Variants in PDZRN4 observed in about 807,000 individuals in gnomAD.
PDZRN4 encodes the protein PDZ domain containing ring finger 4.
PDZRN4 carries 70 observed loss-of-function variants against 99.0 expected under a neutral mutation model. The observed-to-expected ratio is 0.71, with a 90% CI of 0.58 to 0.86. The LOEUF (loss-of-function observed/expected upper bound fraction) is 0.86, where lower values mean the gene tolerates loss of function less well. PDZRN4 is among the 40% of genes least tolerant of loss of function. The pLI, the probability that PDZRN4 is intolerant of heterozygous loss-of-function variation, is 0.00. For missense variants in PDZRN4, 1,474 were observed against 1,331.2 expected (o/e 1.11, Z -1.67); for synonymous variants, 551 against 501.6 (o/e 1.10, Z -1.32).
chr12:41,283,388 A>G (rs1204081874), intron 3 of PDZRN4, among the ~76,000 whole-genome samples: 1 of 152,224 alleles, frequency 6.6e-6, no homozygotes, highest in Non-Finnish European at 1.5e-5. Flanking sequence ...CTAGCCAAAA[A>G]AGCCCAGGAC....
At chr12:41,541,568 C>T (rs990234473) in intron 5 of PDZRN4, among the ~76,000 whole-genome samples, 6 of 151,814 alleles carry the variant, frequency 4.0e-5, no homozygotes, top group Non-Finnish European at 7.4e-5. Flanking sequence ...ATTCTCCAGC[C>T]TCAGCCTCCC....
intron 3 of PDZRN4, among the ~76,000 whole-genome samples, chr12:41,247,421 A>G (rs914320724): frequency 1.3e-5 from 2 of 152,286 alleles, no homozygotes. Context: ...TGATATTTAC[A>G]CATGCTGGTA....
At chr12:41,267,930 C>A (rs189249666) in intron 3 of PDZRN4, among the ~76,000 whole-genome samples, 67 of 152,198 alleles carry the variant, frequency 4.4e-4, no homozygotes, top group Non-Finnish European at 8.1e-4. Context: ...AAAAAGAATC[C>A]TAACAAAGGC....
intron 3 of PDZRN4, 72 bp downstream of exon 3, chr12:41,194,260 C>T: frequency 1.3e-6 from 1 of 756,972 alleles, no homozygotes; most frequent in Non-Finnish European, 2.3e-6. Context: ...TCAAATTTAC[C>T]ACTTTACCTT....
chr12:41,411,172 A>G (rs2120376242), intron 3 of PDZRN4, among the ~76,000 whole-genome samples: 1 of 151,976 alleles, frequency 6.6e-6, no homozygotes, highest in South Asian at 2.1e-4. Context: ...AAGTGCTAGG[A>G]TTATAGGCAT....
chr12:41,345,344 G>A (rs547762774), intron 3 of PDZRN4, among the ~76,000 whole-genome samples: 1 of 152,268 alleles, frequency 6.6e-6, no homozygotes, highest in Admixed American at 6.5e-5. Flanking sequence ...TCCTGTCGGT[G>A]TGTCTTCCTC....
intron 5 of PDZRN4, among the ~76,000 whole-genome samples, chr12:41,534,115 T>C (rs1938709713): frequency 6.6e-6 from 1 of 152,260 alleles, no homozygotes; most frequent in South Asian, 2.1e-4. Flanking sequence ...GTTACCTTCA[T>C]AAGCATTTAA....
intron 3 of PDZRN4, chr12:41,410,072 A>G (rs955721051): frequency 2.0e-5 from 3 of 152,174 alleles, no homozygotes; most frequent in Non-Finnish European, 4.4e-5. Context: ...ACTTCAACAT[A>G]TTTTTTGGAG....
At chr12:41,230,570 A>G (rs1951021937) in intron 3 of PDZRN4, among the ~76,000 whole-genome samples, 1 of 152,114 alleles carries the variant, frequency 6.6e-6, no homozygotes, top group South Asian at 2.1e-4. Flanking sequence ...CTGATAAGTT[A>G]TACATGCAAT....
At chr12:41,512,260 G>A (rs1197674404) in intron 5 of PDZRN4, among the ~76,000 whole-genome samples, 1 of 152,032 alleles carries the variant, frequency 6.6e-6, no homozygotes, top group Non-Finnish European at 1.5e-5. Context: ...CTGCCCCAGT[G>A]GAAGGAGCTT....
At chr12:41,370,106 A>T (rs1243390507) in intron 3 of PDZRN4, among the ~76,000 whole-genome samples, 2 of 151,858 alleles carry the variant, frequency 1.3e-5, no homozygotes, top group Non-Finnish European at 2.9e-5. Flanking sequence ...AATGCCCCTA[A>T]ACTAATTATA....
intron 3 of PDZRN4, among the ~76,000 whole-genome samples, chr12:41,463,179 A>G (rs1025261007): frequency 2.6e-5 from 4 of 152,212 alleles, no homozygotes; most frequent in Non-Finnish European, 5.9e-5. Flanking sequence ...CTCTCAAGCC[A>G]TATTTCCCTG....
chr12:41,321,861 T>C (rs1410062251), intron 3 of PDZRN4, among the ~76,000 whole-genome samples: 3 of 152,208 alleles, frequency 2.0e-5, no homozygotes, highest in Non-Finnish European at 2.9e-5. Flanking sequence ...TGAATAATTA[T>C]ATTGGGATTT....
At chr12:41,437,626 A>G (rs890605279) in intron 3 of PDZRN4, 1 of 502,120 alleles carries the variant, frequency 2.0e-6, no homozygotes, top group Non-Finnish European at 3.0e-6. Context: ...ATAATCAATG[A>G]GGCACTATTA....
At chr12:41,316,456 A>ATGTGTGTGTGTGTGTGTGTGTG (rs71081722) in intron 3 of PDZRN4, among the ~76,000 whole-genome samples, 1 of 144,428 alleles carries the variant, frequency 6.9e-6, no homozygotes, top group Non-Finnish European at 1.5e-5. Context: ...AAAAAGGCAA[A>ATGTGTGTGTGTGTGTGTGTGTG]TGTGTGTGTG....
At chr12:41,500,080 C>A (rs772279857) in intron 3 of PDZRN4, among the ~76,000 whole-genome samples, 15 of 151,964 alleles carry the variant, frequency 9.9e-5, no homozygotes, top group Non-Finnish European at 1.9e-4. Context: ...AATACACAGT[C>A]AAGCAAGGGA....
chr12:41,261,711 G>A (rs1342841013), intron 3 of PDZRN4, among the ~76,000 whole-genome samples: 1 of 152,078 alleles, frequency 6.6e-6, no homozygotes, highest in African/African-American at 2.4e-5. Flanking sequence ...GGATGGTCTC[G>A]ATCTCCTGAC....
chr12:41,555,012 T>C (rs1212206061), intron 6 of PDZRN4, among the ~76,000 whole-genome samples: 2 of 134,554 alleles, frequency 1.5e-5, no homozygotes, highest in Non-Finnish European at 3.1e-5. Flanking sequence ...ATCAAGACCA[T>C]CCGGGCTAAC....
chr12:41,312,793 G>A (rs1418485000), intron 3 of PDZRN4, among the ~76,000 whole-genome samples: 8 of 151,978 alleles, frequency 5.3e-5, no homozygotes, highest in Non-Finnish European at 5.9e-5. Context: ...TTCAAGGTGA[G>A]ATTTGAGTGT....
Sources: gnomAD v4.1 joint callset for allele counts (sites outside exome capture counted in the v4.1 genomes callset) on GRCh38, gnomAD v4.1.1 for gene constraint, MANE v1.5 for transcripts, NCBI Gene and HGNC (gene_info 2026-07-23, HGNC 2026-07-21) for gene names.